Variants in RELN observed in about 807,000 individuals in gnomAD.
The protein encoded by RELN is reelin.
RELN carries 108 observed loss-of-function variants against 427.6 expected under a neutral mutation model. The ratio of observed to expected loss-of-function variants is 0.25; its 90% confidence interval spans 0.22 to 0.30. The LOEUF (loss-of-function observed/expected upper bound fraction) is 0.30, where lower values mean the gene tolerates loss of function less well. Among genes scored for constraint, RELN ranks in the 10% least tolerant of loss-of-function variants. The probability of loss-of-function intolerance (pLI) is 1.00; values close to 1 mark genes in which losing one functional copy is unlikely to be tolerated. For synonymous variants in RELN, 1,524 were observed against 1,513.4 expected, an observed-to-expected ratio of 1.01 and a Z score of -0.16; for missense variants, 3,715 against 4,302.8, an observed-to-expected ratio of 0.86 and a Z score of 3.82.
chr7:103,655,009 C>T (rs538560487), intron 12 of RELN, among the ~76,000 whole-genome samples: 1 of 151,944 alleles, frequency 6.6e-6, no homozygotes, highest in South Asian at 2.1e-4. Context: ...ACGGGGTCTC[C>T]CTATGTTGCA....
chr7:103,575,850 CTG>C, intron 28 of RELN, 145 bp from the exon 29 acceptor site: 1 of 900,642 alleles, frequency 1.1e-6, no homozygotes. Flanking sequence ...CCTTCATAAG[CTG>C]TCTCTCAGAC....
chr7:103,858,895 CA>C (rs1227902748), intron 2 of RELN, among the ~76,000 whole-genome samples: 4 of 152,064 alleles, frequency 2.6e-5, no homozygotes, highest in Non-Finnish European at 5.9e-5. Flanking sequence ...ACAACAACAA[CA>C]AAAAACTCCT....
At chr7:103,610,059 A>G (rs1167667366) in intron 22 of RELN, among the ~76,000 whole-genome samples, 1 of 152,162 alleles carries the variant, frequency 6.6e-6, no homozygotes, top group Non-Finnish European at 1.5e-5. Flanking sequence ...TCTTTGGGTG[A>G]TTTCATCCTG....
Position 103,551,267 on chromosome 7 carries a change from T to G in RELN, c.6102A>C (p.Ser2034=). Residue 2034 remains serine, a synonymous_variant, in exon 41 of 65, where the codon TCA becomes TCC. Transcript: ENST00000428762. ...EINVGCSTDS[S]SADPVRLEFS... ...ATTCCAGTCTCACTGGATCCGCGGA[T>G]GAGCTATCAGTCGAACAGCCAACGT... 2.5e-6 allele frequency: 4 copies of G among 1,613,416 alleles called. No individual in the cohort carries two copies. The highest frequency in any genetic ancestry group is 3.4e-6 in the Non-Finnish European group (4 of 1,179,690).
At chr7:103,599,158 T>A (rs1204744379) in intron 24 of RELN, among the ~76,000 whole-genome samples, 1 of 152,242 alleles carries the variant, frequency 6.6e-6, no homozygotes, top group Non-Finnish European at 1.5e-5. Context: ...AAAGTCTTTC[T>A]AAATTAATCA....
At chr7:103,987,208 C>T (rs1797121355) in intron 1 of RELN, among the ~76,000 whole-genome samples, 1 of 152,066 alleles carries the variant, frequency 6.6e-6, no homozygotes, top group African/African-American at 2.4e-5. Context: ...TTTGACCTTT[C>T]ATAACTTACA....
At chr7:103,747,710 A>G (rs1790881700) in intron 6 of RELN, among the ~76,000 whole-genome samples, 2 of 151,288 alleles carry the variant, frequency 1.3e-5, no homozygotes, top group South Asian at 2.1e-4. Context: ...AATAAGGGAT[A>G]AAGTAAAATT....
intron 2 of RELN, among the ~76,000 whole-genome samples, chr7:103,868,425 C>A (rs1467926875): frequency 6.6e-6 from 1 of 152,038 alleles, no homozygotes; most frequent in Non-Finnish European, 1.5e-5. Flanking sequence ...TTTTATTGTA[C>A]AGAAAACGTA....
chr7:103,648,993 T>C lies in RELN; in HGVS notation c.2002+1281A>G, dbSNP rs190102350. ...AACTCTTAGACACTTTTGGTGGGAA[T>C]TTAAATTAGTAAAACCTCTGGAAAA... On this transcript the variant is annotated intron_variant, in intron 16 of 64. Transcript: ENST00000428762. Among the ~76,000 whole-genome samples, 14 of 152,060 alleles carry C rather than the reference T, an allele frequency of 9.2e-5. No homozygotes were observed. The East Asian group carries it at 2.5e-3, about 27-fold the overall frequency.
chr7:103,840,326 A>G (rs1793522854), intron 2 of RELN, among the ~76,000 whole-genome samples: 1 of 152,216 alleles, frequency 6.6e-6, no homozygotes, highest in African/African-American at 2.4e-5. Flanking sequence ...GTCTTAAAGA[A>G]AAAGCTAAGA....
intron 1 of RELN, among the ~76,000 whole-genome samples, chr7:103,948,908 A>G (rs1040617827): frequency 1.3e-5 from 2 of 150,804 alleles, no homozygotes; most frequent in Non-Finnish European, 2.9e-5. Context: ...CCAGCTACTC[A>G]GGAGGCTAAG....
intron 8 of RELN, among the ~76,000 whole-genome samples, chr7:103,718,877 A>T (rs1315177519): frequency 2.0e-5 from 3 of 152,152 alleles, no homozygotes; most frequent in Non-Finnish European, 4.4e-5. Flanking sequence ...TGTAAGAGGT[A>T]AGCTAAATTG....
rs115694648 is a variant in RELN at position 103,843,957 on chromosome 7, C to T, written c.338-10285G>A. ...CATGGTGGTAGATAATCACTTCGCA[C>T]TGCCTGCCCCCAGCCTCTCCTCAAA... On this transcript the variant is annotated intron_variant, in intron 2 of 64. Transcript: ENST00000428762. 5.4e-3 allele frequency among the ~76,000 whole-genome samples: 829 copies of T among 152,284 alleles called. 7 individuals are homozygous for T. Among genetic ancestry groups the T allele is most frequent in the African/African-American group, 0.019 (795 of 41,562 alleles).
At chr7:103,906,092 G>A (rs894933048) in intron 2 of RELN, among the ~76,000 whole-genome samples, 44 of 152,210 alleles carry the variant, frequency 2.9e-4, no homozygotes, top group Non-Finnish European at 5.1e-4. Flanking sequence ...TGTAGTGGGA[G>A]TAGGTGTCTG....
At chr7:103,875,310 T>C (rs972211071) in intron 2 of RELN, among the ~76,000 whole-genome samples, 2 of 150,954 alleles carry the variant, frequency 1.3e-5, no homozygotes, top group African/African-American at 2.4e-5. Flanking sequence ...AAGGACTTCA[T>C]GTCCAAAACA....
At position 103,561,549 on chromosome 7, in the gene RELN, A is replaced by G; in HGVS notation, c.5512T>C (p.Ser1838Pro). Reference protein sequence around the residue: ...LNGETIKSGTSLIFKGEGLRM... With the variant: ...LNGETIKSGTPLIFKGEGLRM... ...TATCTGACCCCTTTAAAAATTAGAGATGTTCCAGATTTGATGGTTTCACCA... is the reference window on the plus strand; with the variant it reads ...TATCTGACCCCTTTAAAAATTAGAGGTGTTCCAGATTTGATGGTTTCACCA... Residue 1838 changes from serine to proline, a missense_variant, in exon 36 of 65, where the codon TCT (serine) becomes CCT (proline). Ser to Pro is a moderately conservative substitution (Grantham distance 74). Coordinates refer to ENST00000428762, the MANE Select transcript of RELN (RefSeq NM_005045.4). The G allele has an allele frequency of 6.2e-7, 1 of 1,613,534 alleles. No homozygotes were observed. The highest frequency in any genetic ancestry group is 2.2e-5 in the East Asian group (1 of 44,878).
intron 53 of RELN, 83 bp from the exon 54 acceptor site, chr7:103,498,335 T>C: frequency 7.9e-7 from 1 of 1,272,666 alleles, no homozygotes; most frequent in East Asian, 2.4e-5. Flanking sequence ...GAGTGATGTC[T>C]TGGACTTAAA....
At chr7:103,735,287 A>G (rs1203452632) in intron 6 of RELN, among the ~76,000 whole-genome samples, 5 of 151,904 alleles carry the variant, frequency 3.3e-5, no homozygotes, top group African/African-American at 1.2e-4. Flanking sequence ...GTTTTTTTTC[A>G]TGGGACAAAG....
intron 8 of RELN, among the ~76,000 whole-genome samples, chr7:103,721,394 T>A (rs1373722506): frequency 6.6e-6 from 1 of 152,118 alleles, no homozygotes; most frequent in African/African-American, 2.4e-5. Context: ...TCTTGCTAAG[T>A]CCCATGTTTA....
Sources: gnomAD v4.1 joint callset for allele counts (sites outside exome capture counted in the v4.1 genomes callset) on GRCh38, gnomAD v4.1.1 for gene constraint, MANE v1.5 for transcripts, NCBI Gene and HGNC (gene_info 2026-07-23, HGNC 2026-07-21) for gene names.